WNK3: variants seen among roughly 807,000 people sequenced by gnomAD.
The protein encoded by WNK3 is serine/threonine-protein kinase WNK3.
In WNK3, 18 loss-of-function variants were observed where a neutral mutation model predicts 116.7. The ratio of observed to expected loss-of-function variants is 0.15; its 90% confidence interval spans 0.11 to 0.23. WNK3 has a LOEUF of 0.23. Ranked by LOEUF, WNK3 falls within the 10% of genes least tolerant of loss-of-function variation. WNK3 has a pLI of 1.00. For missense variants in WNK3, 993 were observed against 1,323.8 expected (o/e 0.75, Z 3.88); for synonymous variants, 404 against 469.4 (o/e 0.86, Z 1.80).
At chrX:54,199,407 C>A in intron 23 of WNK3, among the ~76,000 whole-genome samples, 1 of 111,573 alleles carries the variant, frequency 9.0e-6, no homozygotes, top group East Asian at 2.8e-4. Flanking sequence ...ATGACTAACT[C>A]TTAACTGGTC....
chrX:54,335,562 C>A (rs976689720), intron 1 of WNK3, among the ~76,000 whole-genome samples: 1 of 111,054 alleles, frequency 9.0e-6, no homozygotes, highest in Non-Finnish European at 1.9e-5. Context: ...CCTCAAAGGG[C>A]GCAGTTTGTC....
At chrX:54,346,974 A>G (rs1186604675) in intron 1 of WNK3, among the ~76,000 whole-genome samples, 1 of 112,008 alleles carries the variant, frequency 8.9e-6, no homozygotes, top group East Asian at 2.8e-4. Flanking sequence ...GTAATGAACC[A>G]TGTTGGCATT....
At chrX:54,202,046 T>C (rs1302393067) in exon 23 of WNK3, 37 of 1,209,951 alleles carry the variant, frequency 3.1e-5, no homozygotes, top group Non-Finnish European at 4.1e-5. Context: ...TTGTTTAAGT[T>C]GGTTTAAACT....
At chrX:54,207,547 CTT>C (rs2146719485) in intron 22 of WNK3, among the ~76,000 whole-genome samples, 1 of 72,449 alleles carries the variant, frequency 1.4e-5, no homozygotes, top group South Asian at 7.8e-4. Flanking sequence ...GAGTTTTGCT[CTT>C]GTTGCCCAGC....
intron 7 of WNK3, 32 bp from the exon 8 acceptor site, chrX:54,294,879 C>T: frequency 9.2e-7 from 1 of 1,087,788 alleles, no homozygotes; most frequent in African/African-American, 1.9e-5. Context: ...CAAACTACTT[C>T]TTTAACATTT....
chrX:54,252,267 T>C (rs185471091), intron 13 of WNK3, among the ~76,000 whole-genome samples: 10 of 111,286 alleles, frequency 9.0e-5, no homozygotes, highest in Admixed American at 8.6e-4. Flanking sequence ...TTAAAAAATA[T>C]GTCATTCTAT....
chrX:54,250,050 G>A (rs782243482), exon 16 of WNK3: 1 of 1,204,560 alleles, frequency 8.3e-7, no homozygotes, highest in Non-Finnish European at 1.1e-6. Context: ...AGAAGGAGGA[G>A]ACTGAGTCTC....
intron 6 of WNK3, 147 bp downstream of exon 6, chrX:54,301,624 T>C (rs1366422084): frequency 4.0e-5 from 18 of 454,386 alleles, no homozygotes; most frequent in Non-Finnish European, 5.9e-5. Flanking sequence ...GTAAACAACA[T>C]GCACTGATAC....
intron 22 of WNK3, among the ~76,000 whole-genome samples, chrX:54,225,086 T>TAA (rs1242065019): frequency 9.6e-5 from 9 of 94,237 alleles, no homozygotes; most frequent in African/African-American, 3.5e-4. Context: ...CTAAAACAAA[T>TAA]AAAAAAAAAA....
At chrX:54,302,723 C>A (rs1289196365) in intron 5 of WNK3, among the ~76,000 whole-genome samples, 5 of 32,820 alleles carry the variant, frequency 1.5e-4, no homozygotes, top group African/African-American at 2.2e-4. Flanking sequence ...CTCTCTCTCT[C>A]TCTCTCTCTA....
intron 23 of WNK3, among the ~76,000 whole-genome samples, chrX:54,199,702 C>T (rs1278581941): frequency 1.8e-5 from 2 of 111,255 alleles, no homozygotes; most frequent in East Asian, 5.7e-4. Context: ...GGTATGGTCG[C>T]GAGCGCCTGT....
intron 8 of WNK3, 26 bp from the exon 9 acceptor site, chrX:54,293,353 G>C: frequency 8.8e-7 from 1 of 1,141,047 alleles, no homozygotes; most frequent in Non-Finnish European, 1.2e-6. Flanking sequence ...ATAAGTAACA[G>C]GTAGAAGGGA....
At position 54,295,879 on chromosome X, in the gene WNK3, G is replaced by A. The variant is rs187286531; in HGVS notation, c.1399-1032C>T. On this transcript the variant is annotated intron_variant, in intron 7 of 23. Transcript: ENST00000354646. ...ATTTTTAATTTTTTGTAGAGATGGG[G>A]TCTCCCTATATTGCTTGGGCTTTGG... is the stretch of plus-strand genomic sequence containing the variant. 2.7e-5 allele frequency among the ~76,000 whole-genome samples: 3 copies of A among 110,725 alleles called. No individual in the cohort carries two copies. The East Asian group carries it at 8.5e-4, about 32-fold the overall frequency.
intron 17 of WNK3, among the ~76,000 whole-genome samples, chrX:54,247,624 G>C (rs2068086329): frequency 9.1e-6 from 1 of 109,882 alleles, no homozygotes; most frequent in Non-Finnish European, 1.9e-5. Context: ...ACAGGTTTGG[G>C]GATGGGGTGG....
At chrX:54,325,970 C>T (rs781813459) in intron 2 of WNK3, among the ~76,000 whole-genome samples, 2 of 111,093 alleles carry the variant, frequency 1.8e-5, no homozygotes, top group African/African-American at 3.3e-5. Flanking sequence ...ATAGCACTTA[C>T]GACTTATAGC....
intron 2 of WNK3, among the ~76,000 whole-genome samples, chrX:54,318,018 C>T (rs2068982426): frequency 9.1e-6 from 1 of 109,755 alleles, no homozygotes; most frequent in South Asian, 4.0e-4. Flanking sequence ...GAGGGATGTA[C>T]AATGATGTAA....
intron 1 of WNK3, among the ~76,000 whole-genome samples, chrX:54,348,291 C>T (rs1401820932): frequency 4.5e-5 from 5 of 110,477 alleles, no homozygotes; most frequent in African/African-American, 1.6e-4. Flanking sequence ...ATTCTCCTGC[C>T]TCAGCCTCCA....
In WNK3 at chrX:54,238,244, A is replaced by G. The variant is rs782648260; in HGVS notation, c.4014+98T>C. On this transcript the variant is annotated intron_variant, in intron 19 of 23. Transcript: ENST00000354646. ...TGAAACTCCATCTCAAAAAAAAATA[A>G]AAACAAAAATGGAAGTATCATCTAC... 1.9e-4 allele frequency: 196 copies of G among 1,027,553 alleles called. 1 individual carries two copies. The highest frequency in any genetic ancestry group is 2.4e-4 in the Non-Finnish European group (185 of 778,784). 84.7% of individuals were successfully genotyped at this position (1,027,553 alleles called of 1,213,427 possible). A position where few individuals can be genotyped will look rare whatever the true frequency, so the allele number is the denominator to read the frequency against.
intron 2 of WNK3, among the ~76,000 whole-genome samples, chrX:54,315,965 T>C (rs1468818454): frequency 9.0e-6 from 1 of 111,252 alleles, no homozygotes; most frequent in Non-Finnish European, 1.9e-5. Context: ...TCTCCTACTC[T>C]GCAGACTAAA....
Sources: allele counts gnomAD v4.1 joint callset (sites outside exome capture counted in the v4.1 genomes callset), GRCh38; gene constraint gnomAD v4.1.1; transcripts MANE v1.5; gene names NCBI Gene and HGNC (gene_info 2026-07-23, HGNC 2026-07-21).